GRM8: variants seen among roughly 807,000 people sequenced by gnomAD.
The protein encoded by GRM8 is glutamate metabotropic receptor 8.
Under a neutral mutation model 87.2 loss-of-function variants are expected in GRM8, and 47 were observed. The observed-to-expected ratio is 0.54, with a 90% CI of 0.43 to 0.69. GRM8 has a LOEUF of 0.69. GRM8 is among the 30% of genes least tolerant of loss of function. The pLI, the probability that GRM8 is intolerant of heterozygous loss-of-function variation, is 0.00. For synonymous variants in GRM8, 396 were observed against 404.5 expected (o/e 0.98, Z 0.25); for missense variants, 1,019 against 1,139.2 (o/e 0.89, Z 1.52).
chr7:126,956,515 A>T (rs1808701692), intron 3 of GRM8, among the ~76,000 whole-genome samples: 1 of 152,186 alleles, frequency 6.6e-6, no homozygotes, highest in African/African-American at 2.4e-5. Flanking sequence ...TTTAAGTTTT[A>T]GGGTACATGT....
intron 7 of GRM8, among the ~76,000 whole-genome samples, chr7:126,717,567 A>G (rs1029048225): frequency 6.6e-6 from 1 of 152,186 alleles, no homozygotes; most frequent in Non-Finnish European, 1.5e-5. Flanking sequence ...GCCAATAACC[A>G]TGCTTTCTCT....
intron 7 of GRM8, among the ~76,000 whole-genome samples, chr7:126,663,471 T>C (rs1171033204): frequency 6.6e-6 from 1 of 152,208 alleles, no homozygotes; most frequent in African/African-American, 2.4e-5. Context: ...ATTTCCAAGA[T>C]GCAAGCCTGG....
chr7:126,714,858 C>A (rs1811546709), intron 7 of GRM8, among the ~76,000 whole-genome samples: 1 of 151,764 alleles, frequency 6.6e-6, no homozygotes, highest in African/African-American at 2.4e-5. Context: ...TCTATTCTTA[C>A]AATAAAGTAA....
At chr7:127,162,159 G>A (rs1306684809) in intron 2 of GRM8, among the ~76,000 whole-genome samples, 7 of 152,180 alleles carry the variant, frequency 4.6e-5, no homozygotes, top group Non-Finnish European at 1.0e-4. Context: ...CAGGTCTGTG[G>A]TTTTCTCCCA....
intron 6 of GRM8, among the ~76,000 whole-genome samples, chr7:126,779,095 T>C (rs1023220921): frequency 5.9e-5 from 9 of 152,052 alleles, no homozygotes; most frequent in African/African-American, 2.2e-4. Flanking sequence ...TGGTTTTTTA[T>C]CTTGTCCTTA....
At chr7:126,774,162 T>C (rs1009768364) in intron 6 of GRM8, among the ~76,000 whole-genome samples, 3 of 152,158 alleles carry the variant, frequency 2.0e-5, no homozygotes, top group Non-Finnish European at 2.9e-5. Context: ...AACTTAAAAG[T>C]GGATCATTTG....
intron 7 of GRM8, among the ~76,000 whole-genome samples, chr7:126,702,760 TC>T (rs1213520695): frequency 1.3e-5 from 2 of 152,164 alleles, no homozygotes; most frequent in Non-Finnish European, 2.9e-5. Flanking sequence ...CAAGAGCTAT[TC>T]CCAAGACCTT....
chr7:126,991,024 T>A (rs1254732275), intron 3 of GRM8, among the ~76,000 whole-genome samples: 3 of 152,212 alleles, frequency 2.0e-5, no homozygotes, highest in African/African-American at 7.2e-5. Flanking sequence ...ATGTAAAATG[T>A]ACATTTGTGT....
intron 3 of GRM8, among the ~76,000 whole-genome samples, chr7:127,060,635 ACTT>A (rs941269274): frequency 3.3e-5 from 5 of 152,184 alleles, no homozygotes; most frequent in African/African-American, 9.6e-5. Context: ...GAGTTAGTGA[ACTT>A]CTTAAGATTT....
chr7:126,911,805 C>A (rs1803326543), intron 3 of GRM8, among the ~76,000 whole-genome samples: 1 of 152,206 alleles, frequency 6.6e-6, no homozygotes, highest in Non-Finnish European at 1.5e-5. Flanking sequence ...GGCCATTATA[C>A]CTCCACATCA....
At chr7:126,811,963 C>T (rs190898468) in intron 6 of GRM8, among the ~76,000 whole-genome samples, 116 of 151,568 alleles carry the variant, frequency 7.7e-4, no homozygotes, top group Admixed American at 2.2e-3. Flanking sequence ...TGATAGGCAA[C>T]GAAGATTTTG....
chr7:127,016,672 T>C (rs1815706406), intron 3 of GRM8, among the ~76,000 whole-genome samples: 1 of 152,086 alleles, frequency 6.6e-6, no homozygotes. Context: ...TAAAGAAACC[T>C]GCATTCTTTA....
At chr7:127,251,775 G>C (rs1387583198) in intron 1 of GRM8, among the ~76,000 whole-genome samples, 3 of 151,984 alleles carry the variant, frequency 2.0e-5, no homozygotes, top group African/African-American at 7.2e-5. Flanking sequence ...AGCTGTTGGG[G>C]TGCGTTTGCC....
At chr7:126,740,296 GC>G (rs1231747611) in intron 7 of GRM8, among the ~76,000 whole-genome samples, 1 of 152,010 alleles carries the variant, frequency 6.6e-6, no homozygotes, top group African/African-American at 2.4e-5. Flanking sequence ...TATGCCACAA[GC>G]TAATATCACC....
intron 6 of GRM8, among the ~76,000 whole-genome samples, chr7:126,893,687 C>T (rs770088349): frequency 5.3e-4 from 80 of 152,030 alleles, no homozygotes; most frequent in Non-Finnish European, 1.1e-3. Context: ...ATCTTCCTCA[C>T]AAAATATAAG....
At chr7:126,975,137 T>C (rs1397858519) in intron 3 of GRM8, among the ~76,000 whole-genome samples, 1 of 152,064 alleles carries the variant, frequency 6.6e-6, no homozygotes. Flanking sequence ...AAATATTTCC[T>C]CTTGGTGTAA....
At chr7:126,810,297 C>A (rs1793165730) in intron 6 of GRM8, among the ~76,000 whole-genome samples, 1 of 152,098 alleles carries the variant, frequency 6.6e-6, no homozygotes, top group Admixed American at 6.5e-5. Context: ...TCTTTAAGAG[C>A]CTCACCTTCT....
intron 6 of GRM8, among the ~76,000 whole-genome samples, chr7:126,871,986 T>C (rs1425847450): frequency 6.6e-6 from 1 of 152,190 alleles, no homozygotes; most frequent in Non-Finnish European, 1.5e-5. Context: ...ACATCCTTTA[T>C]ATTTTATCAT....
chr7:126,453,153 T>G (rs558334140), intron 9 of GRM8, among the ~76,000 whole-genome samples: 1 of 151,684 alleles, frequency 6.6e-6, no homozygotes, highest in South Asian at 2.1e-4. Context: ...ATATACTTTA[T>G]GTTTGTGGGA....
Sources: allele counts gnomAD v4.1 joint callset (sites outside exome capture counted in the v4.1 genomes callset), GRCh38; gene constraint gnomAD v4.1.1; transcripts MANE v1.5; gene names NCBI Gene and HGNC (gene_info 2026-07-23, HGNC 2026-07-21).